Variants in CNOT1 observed in about 807,000 individuals in gnomAD.
CNOT1 encodes the protein CCR4-NOT transcription complex subunit 1, also known as CCR4-associated factor 1.
In CNOT1, 15 loss-of-function variants were observed where a neutral mutation model predicts 273.8. That is an observed-to-expected ratio of 0.05 (90% CI 0.04 to 0.08). The LOEUF (loss-of-function observed/expected upper bound fraction) is 0.08, where lower values mean the gene tolerates loss of function less well. Ranked by LOEUF, CNOT1 falls within the 10% of genes least tolerant of loss-of-function variation. CNOT1 has a pLI of 1.00. For missense variants in CNOT1, 1,644 were observed against 2,912.2 expected, an observed-to-expected ratio of 0.56 and a Z score of 10.02; for synonymous variants, 1,022 against 1,005.5, an observed-to-expected ratio of 1.02 and a Z score of -0.31.
At chr16:58,593,140 C>T (rs769000163) in intron 2 of CNOT1, among the ~76,000 whole-genome samples, 5 of 152,152 alleles carry the variant, frequency 3.3e-5, no homozygotes, top group East Asian at 1.9e-4. Context: ...ATACATATTT[C>T]GGCCAGGCGC....
chr16:58,538,626 A>G (rs2039989672), intron 36 of CNOT1, 146 bp downstream of exon 36: 3 of 1,246,888 alleles, frequency 2.4e-6, no homozygotes, highest in Non-Finnish European at 3.3e-6. Context: ...CAACTACTTA[A>G]CAATTCTCAC....
At chr16:58,596,912 A>AC (rs2042280851) in intron 2 of CNOT1, among the ~76,000 whole-genome samples, 1 of 137,172 alleles carries the variant, frequency 7.3e-6, no homozygotes, top group Non-Finnish European at 1.6e-5. Context: ...AAAAAAAAAA[A>AC]AAAAACAAAA....
intron 47 of CNOT1, among the ~76,000 whole-genome samples, chr16:58,522,470 A>G (rs923724253): frequency 6.6e-6 from 1 of 150,458 alleles, no homozygotes; most frequent in Non-Finnish European, 1.5e-5. Flanking sequence ...ATTTTAGTAC[A>G]CAAATCAAAG....
chr16:58,598,126 C>A (rs954501838), intron 2 of CNOT1, among the ~76,000 whole-genome samples: 4 of 151,634 alleles, frequency 2.6e-5, no homozygotes, highest in African/African-American at 9.7e-5. Flanking sequence ...TTGCCGGGCG[C>A]AGTGGCTCAC....
intron 8 of CNOT1, 80 bp downstream of exon 8, chr16:58,585,258 A>G: frequency 1.3e-6 from 2 of 1,575,292 alleles, no homozygotes; most frequent in Non-Finnish European, 1.7e-6. Flanking sequence ...AACTTTAAGG[A>G]ATTTTAGAGA....
At chr16:58,543,273 T>TAGA in intron 31 of CNOT1, 3 of 1,545,662 alleles carry the variant, frequency 1.9e-6, no homozygotes, top group Non-Finnish European at 2.6e-6. Context: ...ATCGGCCTTC[T>TAGA]CAAACAGCTT....
At chr16:58,539,981 C>A in intron 34 of CNOT1, 22 bp from the exon 35 acceptor site, 1 of 1,585,466 alleles carries the variant, frequency 6.3e-7, no homozygotes, top group South Asian at 1.1e-5. Flanking sequence ...AAGGAAACAA[C>A]CAACAAGAGA....
chr16:58,621,336 C>G (rs2043305269), intron 1 of CNOT1, among the ~76,000 whole-genome samples: 1 of 151,984 alleles, frequency 6.6e-6, no homozygotes, highest in Non-Finnish European at 1.5e-5. Flanking sequence ...TGCAATGGTG[C>G]AATCTCGGCT....
Position 58,521,053 on chromosome 16 carries a change from G to A in CNOT1, c.7053-17C>T. 2 of 1,614,096 alleles carry A rather than the reference G, an allele frequency of 1.2e-6. No individual in the cohort carries two copies. Among genetic ancestry groups the A allele is most frequent in the Non-Finnish European group, 1.7e-6 (2 of 1,180,014 alleles). On this transcript the variant is annotated splice_polypyrimidine_tract_variant and intron_variant, in intron 48 of 48. Transcript: ENST00000317147. Reference sequence around the variant, plus strand: ...TGGAATAACCTGAAGGATGAAGACAGTTACAAATCTCTGATTAAAGAGTAG... The same window carrying A: ...TGGAATAACCTGAAGGATGAAGACAATTACAAATCTCTGATTAAAGAGTAG...
intron 10 of CNOT1, 109 bp downstream of exon 10, chr16:58,582,683 AC>A: frequency 1.4e-6 from 1 of 691,932 alleles, no homozygotes; most frequent in Non-Finnish European, 2.5e-6. Flanking sequence ...TAACTTGGAC[AC>A]TTTATTACTT....
intron 40 of CNOT1, among the ~76,000 whole-genome samples, chr16:58,533,617 AGAGT>A (rs2039840069): frequency 6.6e-6 from 1 of 152,188 alleles, no homozygotes; most frequent in South Asian, 2.1e-4. Context: ...CCTGGGTGAC[AGAGT>A]GAGACTCCGT....
intron 8 of CNOT1, 47 bp downstream of exon 8, chr16:58,585,291 T>A: frequency 6.2e-7 from 1 of 1,604,604 alleles, no homozygotes; most frequent in Non-Finnish European, 8.5e-7. Context: ...AATTACATCA[T>A]GTTTGGCACA....
chr16:58,522,728 CCTGCATGATTTAGGA>C (rs2039446452), intron 47 of CNOT1, among the ~76,000 whole-genome samples: 1 of 152,172 alleles, frequency 6.6e-6, no homozygotes, highest in African/African-American at 2.4e-5. Flanking sequence ...ACTTCATAGG[CCTGCATGATTTAGGA>C]CTGGTTATCA....
intron 42 of CNOT1, among the ~76,000 whole-genome samples, chr16:58,531,581 G>A (rs2039779800): frequency 6.6e-6 from 1 of 151,922 alleles, no homozygotes; most frequent in Admixed American, 6.6e-5. Context: ...GGGCACACAT[G>A]GATTTCAACT....
Position 58,543,909 on chromosome 16 carries a change from G to C in CNOT1, c.4138-6C>G. ...TGGGCCTGAAACAAGGGAATCTGGG[G>C]GGTTGGGGAGGACAAAGTCAACACC... On this transcript the variant is annotated splice_region_variant and splice_polypyrimidine_tract_variant and intron_variant, in intron 30 of 48. Transcript: ENST00000317147. 1 of 1,591,100 alleles carries C rather than the reference G, an allele frequency of 6.3e-7. No individual in the cohort carries two copies. Among genetic ancestry groups the C allele is most frequent in the Non-Finnish European group, 8.6e-7 (1 of 1,166,348 alleles).
rs139694504 is a variant in CNOT1 at position 58,605,100 on chromosome 16, C to T, written c.-174-5589G>A. Among the ~76,000 whole-genome samples the T allele has an allele frequency of 4.3e-3, 651 of 152,216 alleles. 7 individuals are homozygous for T. Among genetic ancestry groups the T allele is most frequent in the Non-Finnish European group, 3.9e-3 (268 of 68,020 alleles). Reference sequence around the variant, plus strand: ...GCAGTGAGCCGAGATCGCGCCACTGCACTGCAGCGTAGGCGACAGAGCAAG... The same window carrying T: ...GCAGTGAGCCGAGATCGCGCCACTGTACTGCAGCGTAGGCGACAGAGCAAG... On this transcript the variant is annotated intron_variant, in intron 1 of 48. Coordinates refer to ENST00000317147, the MANE Select transcript of CNOT1 (RefSeq NM_016284.5).
chr16:58,582,360 G>A (rs561533506), intron 10 of CNOT1, among the ~76,000 whole-genome samples: 18 of 152,248 alleles, frequency 1.2e-4, no homozygotes, highest in Admixed American at 2.0e-4. Context: ...TAATCCCAAC[G>A]CTTTGCTCCC....
intron 31 of CNOT1, chr16:58,543,267 G>A: frequency 6.5e-7 from 1 of 1,544,340 alleles, no homozygotes; most frequent in Non-Finnish European, 8.7e-7. Flanking sequence ...TTTTGTATCG[G>A]CCTTCTCAAA....
At chr16:58,579,041 G>C in intron 12 of CNOT1, 102 bp from the exon 13 acceptor site, 1 of 1,489,670 alleles carries the variant, frequency 6.7e-7, no homozygotes, top group Middle Eastern at 2.1e-4. Flanking sequence ...AACCAAGTTG[G>C]TGTCATGTTT....
Sources: gnomAD v4.1 joint callset for allele counts (sites outside exome capture counted in the v4.1 genomes callset) on GRCh38, gnomAD v4.1.1 for gene constraint, MANE v1.5 for transcripts, NCBI Gene and HGNC (gene_info 2026-07-23, HGNC 2026-07-21) for gene names.